The following LPP variants were observed in gnomAD, a reference collection of about 807,000 sequenced individuals.
LPP encodes the protein LIM domain containing preferred translocation partner in lipoma, also known as lipoma-preferred partner.
Under a neutral mutation model 60.4 loss-of-function variants are expected in LPP, and 38 were observed. The observed-to-expected ratio is 0.63, with a 90% CI of 0.49 to 0.83. The LOEUF (loss-of-function observed/expected upper bound fraction) is 0.83, where lower values mean the gene tolerates loss of function less well. LPP is among the 40% of genes least tolerant of loss of function. The probability of loss-of-function intolerance (pLI) is 0.00; values close to 1 mark genes in which losing one functional copy is unlikely to be tolerated. For missense variants in LPP, 902 were observed against 783.6 expected (o/e 1.15, Z -1.80); for synonymous variants, 328 against 290.8 (o/e 1.13, Z -1.30).
chr3:188,647,100 G>C (rs1170233297), intron 7 of LPP, among the ~76,000 whole-genome samples: 1 of 152,198 alleles, frequency 6.6e-6, no homozygotes, highest in African/African-American at 2.4e-5. Context: ...TTAACAGTTG[G>C]AACCCCTGTT....
At chr3:188,313,531 G>T (rs536598523) in intron 2 of LPP, among the ~76,000 whole-genome samples, 2 of 151,896 alleles carry the variant, frequency 1.3e-5, no homozygotes, top group African/African-American at 4.8e-5. Flanking sequence ...CCAGCTACTC[G>T]GGAGGCTGAG....
At chr3:188,274,611 C>T (rs573324025) in intron 2 of LPP, among the ~76,000 whole-genome samples, 1 of 152,272 alleles carries the variant, frequency 6.6e-6, no homozygotes, top group East Asian at 1.9e-4. Context: ...CCATCCTCCA[C>T]TAGAACTTTA....
At chr3:188,293,116 A>G (rs1281887459) in intron 2 of LPP, among the ~76,000 whole-genome samples, 1 of 152,216 alleles carries the variant, frequency 6.6e-6, no homozygotes, top group Admixed American at 6.5e-5. Context: ...CTCATTCTAT[A>G]TGTCTCTTCT....
At chr3:188,170,514 G>T (rs935324547) in intron 1 of LPP, among the ~76,000 whole-genome samples, 4 of 151,514 alleles carry the variant, frequency 2.6e-5, no homozygotes, top group African/African-American at 9.7e-5. Flanking sequence ...TGTATTTTTA[G>T]TAGAGATGGG....
chr3:188,670,631 T>G (rs931439359), intron 7 of LPP, among the ~76,000 whole-genome samples: 2 of 152,160 alleles, frequency 1.3e-5, no homozygotes, highest in Non-Finnish European at 2.9e-5. Context: ...CACCTCCACG[T>G]TGGCACGCAC....
chr3:188,398,319 C>T (rs1051813488), intron 3 of LPP, among the ~76,000 whole-genome samples: 7 of 152,176 alleles, frequency 4.6e-5, no homozygotes, highest in Non-Finnish European at 8.8e-5. Context: ...AGGTTAAGAA[C>T]GAAAGTCATA....
intron 3 of LPP, among the ~76,000 whole-genome samples, chr3:188,385,776 T>C (rs1778107616): frequency 6.6e-6 from 1 of 152,160 alleles, no homozygotes; most frequent in Non-Finnish European, 1.5e-5. Context: ...TTGGAGGATA[T>C]AGATATTTTA....
intron 9 of LPP, among the ~76,000 whole-genome samples, chr3:188,836,823 C>T (rs947209980): frequency 5.9e-5 from 9 of 152,164 alleles, no homozygotes; most frequent in South Asian, 2.1e-4. Flanking sequence ...GCTTGGTTCC[C>T]GGGTTTCATG....
intron 4 of LPP, among the ~76,000 whole-genome samples, chr3:188,481,721 G>A (rs1455238160): frequency 3.3e-5 from 5 of 152,156 alleles, no homozygotes; most frequent in Non-Finnish European, 5.9e-5. Context: ...ATAACATGTT[G>A]TGGTTCTCAA....
At chr3:188,264,573 A>G (rs1380325841) in intron 2 of LPP, among the ~76,000 whole-genome samples, 1 of 152,110 alleles carries the variant, frequency 6.6e-6, no homozygotes, top group African/African-American at 2.4e-5. Flanking sequence ...AAAATGAGGT[A>G]GGGGAGGGAG....
chr3:188,769,709 A>G (rs1735251615), intron 9 of LPP, among the ~76,000 whole-genome samples: 1 of 152,234 alleles, frequency 6.6e-6, no homozygotes, highest in East Asian at 1.9e-4. Context: ...AGTCTTCATG[A>G]GGCCTTCAAA....
intron 7 of LPP, among the ~76,000 whole-genome samples, chr3:188,631,245 T>TA (rs1197029334): frequency 6.6e-6 from 1 of 152,218 alleles, no homozygotes; most frequent in Non-Finnish European, 1.5e-5. Context: ...GCCTGAGTGA[T>TA]AAACATTTTT....
chr3:188,177,236 G>A (rs1444993438), intron 1 of LPP, among the ~76,000 whole-genome samples: 1 of 152,222 alleles, frequency 6.6e-6, no homozygotes, highest in Non-Finnish European at 1.5e-5. Flanking sequence ...CAGTAGAGAT[G>A]CCCTCATTTT....
intron 9 of LPP, among the ~76,000 whole-genome samples, chr3:188,790,962 C>A (rs1217650800): frequency 6.6e-6 from 1 of 151,336 alleles, no homozygotes; most frequent in Non-Finnish European, 1.5e-5. Flanking sequence ...TAGAAAAACA[C>A]TTTAGACACT....
At chr3:188,450,487 G>A (rs1255313288) in intron 4 of LPP, among the ~76,000 whole-genome samples, 1 of 152,120 alleles carries the variant, frequency 6.6e-6, no homozygotes, top group Non-Finnish European at 1.5e-5. Context: ...GCTCACGCCT[G>A]TAATCCTAGC....
chr3:188,736,145 G>T (rs978241418), intron 8 of LPP, among the ~76,000 whole-genome samples: 1 of 152,052 alleles, frequency 6.6e-6, no homozygotes, highest in African/African-American at 2.4e-5. Flanking sequence ...AAACTTTATT[G>T]ATCTGATCTG....
intron 2 of LPP, among the ~76,000 whole-genome samples, chr3:188,327,859 G>A (rs1277146659): frequency 6.6e-6 from 1 of 151,998 alleles, no homozygotes; most frequent in East Asian, 1.9e-4. Context: ...TTAAAAATGA[G>A]CTTTTGTTTG....
rs143828506 is a variant in LPP, at chr3:188,766,421, A to G, written c.1410+6139A>G. On this transcript the variant is annotated intron_variant, in intron 9 of 11. Coordinates refer to ENST00000617246, the MANE Select transcript of LPP (RefSeq NM_001375462.1). ...AATATTTATAACAACTGACATTGACATTAACATTTGCTCAGTGCTTTAACT... is the reference window on the plus strand; with the variant it reads ...AATATTTATAACAACTGACATTGACGTTAACATTTGCTCAGTGCTTTAACT... Among the ~76,000 whole-genome samples the G allele has an allele frequency of 6.0e-5, 9 of 150,800 alleles. 1 individual carries two copies. Among genetic ancestry groups the G allele is most frequent in the African/African-American group, 2.2e-4 (9 of 41,242 alleles).
chr3:188,500,595 CT>C (rs928775950), intron 5 of LPP, among the ~76,000 whole-genome samples: 2 of 152,006 alleles, frequency 1.3e-5, no homozygotes, highest in African/African-American at 4.8e-5. Flanking sequence ...GTGTTTCCTT[CT>C]TTTTAATTTT....
Sources: allele counts gnomAD v4.1 joint callset (sites outside exome capture counted in the v4.1 genomes callset), GRCh38; gene constraint gnomAD v4.1.1; transcripts MANE v1.5; gene names NCBI Gene and HGNC (gene_info 2026-07-23, HGNC 2026-07-21).